Variants in PBX3 observed in about 807,000 individuals in gnomAD.
PBX3 encodes the protein PBX homeobox 3.
In PBX3, 14 loss-of-function variants were observed where a neutral mutation model predicts 48.5. That is an observed-to-expected ratio of 0.29 (90% CI 0.19 to 0.45). The LOEUF (loss-of-function observed/expected upper bound fraction) is 0.45. Ranked by LOEUF, PBX3 falls within the 20% of genes least tolerant of loss-of-function variation. The pLI is 1.00. For missense variants in PBX3, 386 were observed against 546.7 expected (o/e 0.71, Z 2.93); for synonymous variants, 210 against 200.3 (o/e 1.05, Z -0.41).
chr9:125,786,000 C>T (rs559978309), intron 2 of PBX3, among the ~76,000 whole-genome samples: 1 of 145,262 alleles, frequency 6.9e-6, no homozygotes, highest in Admixed American at 6.9e-5. Flanking sequence ...TGACTATTTT[C>T]TAGCATACTG....
chr9:125,897,590 C>G (rs1404792192), intron 2 of PBX3, among the ~76,000 whole-genome samples: 1 of 151,822 alleles, frequency 6.6e-6, no homozygotes, highest in Non-Finnish European at 1.5e-5. Flanking sequence ...AAATGTCACA[C>G]ACACCAGCAA....
intron 2 of PBX3, among the ~76,000 whole-genome samples, chr9:125,829,947 C>T (rs1838911350): frequency 6.6e-6 from 1 of 152,142 alleles, no homozygotes; most frequent in Non-Finnish European, 1.5e-5. Flanking sequence ...ACGCAGCACT[C>T]ATCAAAAAAG....
At chr9:125,847,222 A>G (rs1839449082) in intron 2 of PBX3, among the ~76,000 whole-genome samples, 2 of 151,996 alleles carry the variant, frequency 1.3e-5, no homozygotes. Context: ...TATTTGGGGT[A>G]GCAAAATAGA....
At chr9:125,855,487 TCTTGA>T (rs1191779705) in intron 2 of PBX3, among the ~76,000 whole-genome samples, 1 of 152,154 alleles carries the variant, frequency 6.6e-6, no homozygotes, top group Non-Finnish European at 1.5e-5. Context: ...TTCTAATTGA[TCTTGA>T]CTTACTTTCT....
intron 2 of PBX3, among the ~76,000 whole-genome samples, chr9:125,840,243 TGGA>T (rs1839251889): frequency 6.6e-6 from 1 of 152,030 alleles, no homozygotes; most frequent in Admixed American, 6.5e-5. Flanking sequence ...TTTTTCAGGA[TGGA>T]GTTTTTTATT....
At chr9:125,866,437 C>G (rs1389918172) in intron 2 of PBX3, among the ~76,000 whole-genome samples, 9 of 152,154 alleles carry the variant, frequency 5.9e-5, no homozygotes, top group Admixed American at 4.6e-4. Context: ...GTGTGTTAAT[C>G]TCATTCTTTG....
At chr9:125,913,995 C>T (rs998916479) in intron 2 of PBX3, among the ~76,000 whole-genome samples, 1 of 151,936 alleles carries the variant, frequency 6.6e-6, no homozygotes, top group Admixed American at 6.6e-5. Context: ...ATGTACAGGT[C>T]GTGAGATTTT....
intron 2 of PBX3, among the ~76,000 whole-genome samples, chr9:125,760,047 A>C (rs1356577909): frequency 3.3e-5 from 5 of 152,182 alleles, no homozygotes; most frequent in Non-Finnish European, 7.4e-5. Flanking sequence ...TGCCATTTAC[A>C]AATCTGCTTT....
chr9:125,829,047 C>G (rs766702514), intron 2 of PBX3, among the ~76,000 whole-genome samples: 16 of 152,166 alleles, frequency 1.1e-4, no homozygotes, highest in Non-Finnish European at 2.9e-5. Context: ...GGGAGACAGA[C>G]AGGTTGTTTG....
intron 2 of PBX3, among the ~76,000 whole-genome samples, chr9:125,855,348 T>A (rs1254632285): frequency 6.6e-6 from 1 of 152,144 alleles, no homozygotes; most frequent in African/African-American, 2.4e-5. Context: ...TACCAAATAA[T>A]TTAAAAATTA....
At chr9:125,950,611 A>T (rs1842174744) in intron 5 of PBX3, among the ~76,000 whole-genome samples, 1 of 151,792 alleles carries the variant, frequency 6.6e-6, no homozygotes, top group African/African-American at 2.4e-5. Flanking sequence ...CCTCCTGAGT[A>T]GCTGGGACTA....
At position 125,899,452 on chromosome 9, in the gene PBX3, T is replaced by TAGAGAGAG. The variant is rs1218388914; in HGVS notation, c.275-16233_275-16232insGAGAGAGA. Among the ~76,000 whole-genome samples the TAGAGAGAG allele has an allele frequency of 4.8e-3, 431 of 89,072 alleles. 12 individuals carry two copies. The highest frequency in any genetic ancestry group is 7.9e-3 in the Non-Finnish European group (350 of 44,150). 58.4% of individuals were successfully genotyped at this position (89,072 alleles called of 152,430 possible). ...CTATATATATGTGTGTATATATATA[T>TAGAGAGAG]ATAGAGAGAGAGAGAGAGAGAGAGA... On this transcript the variant is annotated intron_variant, in intron 2 of 8. Transcript: ENST00000373489.
At chr9:125,922,998 A>G (rs900348294) in intron 3 of PBX3, among the ~76,000 whole-genome samples, 1 of 152,274 alleles carries the variant, frequency 6.6e-6, no homozygotes, top group South Asian at 2.1e-4. Context: ...TTAATCATGT[A>G]TGAACTACTG....
intron 2 of PBX3, among the ~76,000 whole-genome samples, chr9:125,878,052 GT>G (rs1380648158): frequency 1.3e-5 from 2 of 152,210 alleles, no homozygotes; most frequent in Non-Finnish European, 2.9e-5. Context: ...ACAAGGGAAA[GT>G]GCACAACCAT....
chr9:125,961,304 A>G (rs1842425746), intron 6 of PBX3, among the ~76,000 whole-genome samples: 1 of 152,216 alleles, frequency 6.6e-6, no homozygotes, highest in Non-Finnish European at 1.5e-5. Context: ...TCTGCCTTTC[A>G]GCAGCACTGT....
intron 2 of PBX3, among the ~76,000 whole-genome samples, chr9:125,845,904 G>A (rs944532529): frequency 3.3e-5 from 5 of 152,062 alleles, no homozygotes; most frequent in Non-Finnish European, 7.4e-5. Flanking sequence ...TATATGGTAT[G>A]ATTAAGAAAG....
intron 2 of PBX3, among the ~76,000 whole-genome samples, chr9:125,902,274 C>G (rs1329116349): frequency 1.3e-5 from 2 of 151,610 alleles, no homozygotes; most frequent in African/African-American, 4.8e-5. Flanking sequence ...ATGATTAGAG[C>G]ATTGACCAGT....
In PBX3 at chr9:125,913,007, G is replaced by T. The variant is rs150527018; in HGVS notation, c.275-2679G>T. Among the ~76,000 whole-genome samples the T allele has an allele frequency of 2.5e-4, 38 of 152,150 alleles. No homozygotes were observed. In the East Asian group the frequency reaches 7.1e-3, roughly 29 times the overall value. On this transcript the variant is annotated intron_variant, in intron 2 of 8. Coordinates refer to ENST00000373489, the MANE Select transcript of PBX3 (RefSeq NM_006195.6). Reference sequence around the variant, plus strand: ...ATGTTTTTAAGTAAGAAAATAAATAGAAATATTCAAATTGAAAGTAATTTT... The same window carrying T: ...ATGTTTTTAAGTAAGAAAATAAATATAAATATTCAAATTGAAAGTAATTTT...
intron 3 of PBX3, 80 bp from the exon 4 acceptor site, chr9:125,929,574 GA>G: frequency 1.1e-6 from 1 of 934,234 alleles, no homozygotes; most frequent in Admixed American, 2.1e-5. Flanking sequence ...GAATGCAAAT[GA>G]GGTGTAAATT....
Sources: gnomAD v4.1 joint callset for allele counts (sites outside exome capture counted in the v4.1 genomes callset) on GRCh38, gnomAD v4.1.1 for gene constraint, MANE v1.5 for transcripts, NCBI Gene and HGNC (gene_info 2026-07-23, HGNC 2026-07-21) for gene names.